TTC21B: variants seen among roughly 807,000 people sequenced by gnomAD.
TTC21B encodes tetratricopeptide repeat protein 21B.
Under a neutral mutation model 175.1 loss-of-function variants are expected in TTC21B, and 127 were observed. That is an observed-to-expected ratio of 0.73 (90% confidence interval 0.63 to 0.84). The LOEUF (loss-of-function observed/expected upper bound fraction) is 0.84. Among genes scored for constraint, TTC21B ranks in the 40% least tolerant of loss-of-function variants. The pLI, the probability that TTC21B is intolerant of heterozygous loss-of-function variation, is 0.00. For synonymous variants in TTC21B, 524 were observed against 524.5 expected (o/e 1.00, Z 0.01); for missense variants, 1,561 against 1,558.3 (o/e 1.00, Z -0.03).
At chr2:165,892,708 C>G (rs1685237258) in intron 22 of TTC21B, among the ~76,000 whole-genome samples, 1 of 151,958 alleles carries the variant, frequency 6.6e-6, no homozygotes, top group Non-Finnish European at 1.5e-5. Flanking sequence ...GCCAGGGGCT[C>G]CGGGAAGAGG....
At chr2:165,901,695 T>C (rs759154221) in intron 20 of TTC21B, 27 bp downstream of exon 20, 1 of 1,591,404 alleles carries the variant, frequency 6.3e-7, no homozygotes, top group Non-Finnish European at 8.6e-7. Flanking sequence ...GAATAAAAGG[T>C]ATTTAAAATT....
At chr2:165,908,381 T>A (rs968499755) in intron 18 of TTC21B, among the ~76,000 whole-genome samples, 24 of 152,292 alleles carry the variant, frequency 1.6e-4, no homozygotes, top group Middle Eastern at 6.8e-3. Context: ...GCTAATAAGT[T>A]ACTAAATAAG....
At chr2:165,928,899 C>T (rs1686777857) in intron 11 of TTC21B, 1 of 484,186 alleles carries the variant, frequency 2.1e-6, no homozygotes, top group South Asian at 2.2e-5. Flanking sequence ...TTTCTTTAAA[C>T]TGAAGATTTT....
At chr2:165,916,659 T>C (rs1391292370) in intron 14 of TTC21B, among the ~76,000 whole-genome samples, 2 of 152,140 alleles carry the variant, frequency 1.3e-5, no homozygotes, top group East Asian at 1.9e-4. Context: ...CATAGGATTA[T>C]AACTGCATTA....
chr2:165,919,188 A>C, intron 13 of TTC21B, 88 bp downstream of exon 13: 4 of 1,509,506 alleles, frequency 2.6e-6, no homozygotes, highest in Non-Finnish European at 3.7e-6. Context: ...TGTTAGCAAA[A>C]TACTACAGGC....
At chr2:165,913,467 TC>T (rs1686033945) in intron 16 of TTC21B, 106 bp downstream of exon 16, 1 of 744,188 alleles carries the variant, frequency 1.3e-6, no homozygotes, top group Admixed American at 2.4e-5. Flanking sequence ...GATGGCTGGA[TC>T]TTCAAATATT....
At chr2:165,899,631 T>C in intron 21 of TTC21B, 139 bp downstream of exon 21, 6 of 702,392 alleles carry the variant, frequency 8.5e-6, no homozygotes, top group East Asian at 2.7e-5. Flanking sequence ...TGGTAAAATG[T>C]AGTAATGTTA....
intron 25 of TTC21B, among the ~76,000 whole-genome samples, chr2:165,886,975 C>G (rs866744135): frequency 3.9e-5 from 6 of 152,300 alleles, no homozygotes; most frequent in African/African-American, 1.2e-4. Context: ...TCAATGTCTG[C>G]AGAAGGGCCT....
At chr2:165,945,760 T>C in intron 3 of TTC21B, 70 bp from the exon 4 acceptor site, 18 of 1,504,540 alleles carry the variant, frequency 1.2e-5, no homozygotes, top group Non-Finnish European at 1.6e-5. Flanking sequence ...GTCAGATAAT[T>C]AACAAGGCAA....
chr2:165,926,991 CATAT>C lies in TTC21B; in HGVS notation c.1386+2140_1386+2143del, dbSNP rs367965246. ...TATATGGAGTATATATATAAACTCC[CATAT>C]ATATATATATATATATATATATCTC... On this transcript the variant is annotated intron_variant, in intron 11 of 28. Coordinates refer to ENST00000243344, the MANE Select transcript of TTC21B (RefSeq NM_024753.5). Among the ~76,000 whole-genome samples the C allele has an allele frequency of 6.8e-3, 100 of 14,620 alleles. 25 individuals are homozygous for C. The highest frequency in any genetic ancestry group is 0.17 in the Middle Eastern group (2 of 12). 9.6% of individuals were successfully genotyped at this position (14,620 alleles called of 152,430 possible).
At chr2:165,912,384 TC>T in intron 17 of TTC21B, 129 bp downstream of exon 17, 1 of 770,958 alleles carries the variant, frequency 1.3e-6, no homozygotes. Context: ...TTAACACAAA[TC>T]CCAGTTCATA....
intron 18 of TTC21B, among the ~76,000 whole-genome samples, chr2:165,910,579 A>G (rs1685896591): frequency 6.6e-6 from 1 of 152,198 alleles, no homozygotes; most frequent in African/African-American, 2.4e-5. Flanking sequence ...ATGGATTATA[A>G]TATCAAAATA....
At chr2:165,902,861 C>T (rs1016230765) in intron 19 of TTC21B, among the ~76,000 whole-genome samples, 1 of 152,196 alleles carries the variant, frequency 6.6e-6, no homozygotes, top group Non-Finnish European at 1.5e-5. Context: ...TACCTCTACA[C>T]ATCAAGATGT....
At chr2:165,882,437 T>C (rs1382717256) in intron 26 of TTC21B, among the ~76,000 whole-genome samples, 1 of 152,206 alleles carries the variant, frequency 6.6e-6, no homozygotes, top group Non-Finnish European at 1.5e-5. Context: ...ACAGATTTTA[T>C]GTATTTCAAT....
In TTC21B at chr2:165,928,892, C is replaced by T. The variant is rs892912354; in HGVS notation, c.1386+243G>A. The T allele has an allele frequency of 6.4e-6, 3 of 468,818 alleles. No homozygotes were observed. The East Asian group carries it at 1.3e-4, about 20-fold the overall frequency. 29.0% of individuals were successfully genotyped at this position (468,818 alleles called of 1,614,324 possible). ...CTGAATTAGATGCCTTTTAATATTTCTTTAAACTGAAGATTTTAAGATTTT... is the reference window on the plus strand; with the variant it reads ...CTGAATTAGATGCCTTTTAATATTTTTTTAAACTGAAGATTTTAAGATTTT... On this transcript the variant is annotated intron_variant, in intron 11 of 28. Transcript: ENST00000243344.
At chr2:165,940,179 C>G (rs1202655770) in intron 6 of TTC21B, among the ~76,000 whole-genome samples, 1 of 152,164 alleles carries the variant, frequency 6.6e-6, no homozygotes, top group East Asian at 1.9e-4. Context: ...CTTCTCAAAG[C>G]ACTTCCACCA....
intron 5 of TTC21B, among the ~76,000 whole-genome samples, chr2:165,942,808 C>G (rs1337963395): frequency 1.3e-5 from 2 of 152,178 alleles, no homozygotes; most frequent in Non-Finnish European, 2.9e-5. Context: ...TACTTATCAC[C>G]TTCTAATATA....
chr2:165,884,079 C>A, intron 25 of TTC21B, 61 bp from the exon 26 acceptor site: 1 of 1,310,406 alleles, frequency 7.6e-7, no homozygotes, highest in Non-Finnish European at 1.1e-6. Flanking sequence ...CAAAAACATA[C>A]AGAAAGCAGA....
chr2:165,912,529 A>T lies in TTC21B; in HGVS notation c.2307T>A (p.Thr769=). Residue 769 remains threonine (T), a synonymous_variant, in exon 17 of 29, where the codon ACT becomes ACA. Coordinates refer to ENST00000243344, the MANE Select transcript of TTC21B (RefSeq NM_024753.5). The part of the protein sequence containing the change: ...ASKMGKALIK[T]HNYSMAITYY... ...AAGTACTTACCATTGAGTAGTTATG[A>T]GTTTTGATAAGTGCTTTGCCCATTT... 6.2e-7 allele frequency: 1 copy of T among 1,613,410 alleles called. No homozygotes were observed. The highest frequency in any genetic ancestry group is 2.2e-5 in the East Asian group (1 of 44,848).
Sources: gnomAD v4.1 joint callset for allele counts (sites outside exome capture counted in the v4.1 genomes callset) on GRCh38, gnomAD v4.1.1 for gene constraint, MANE v1.5 for transcripts, NCBI Gene and HGNC (gene_info 2026-07-23, HGNC 2026-07-21) for gene names.